Variants in ARB2A observed in about 807,000 individuals in gnomAD.
The protein encoded by ARB2A is cotranscriptional regulator ARB2A.
chr5:94,062,646 C>T, the ARB2A span, among the ~76,000 whole-genome samples: 1 of 152,092 alleles, frequency 6.6e-6, no homozygotes, highest in East Asian at 1.9e-4. Context: ...TGCCATGGCT[C>T]TAGAGAAGGA....
the ARB2A span, among the ~76,000 whole-genome samples, chr5:93,953,874 T>C: frequency 6.6e-6 from 1 of 151,840 alleles, no homozygotes; most frequent in African/African-American, 2.4e-5. Flanking sequence ...CCCTCCCCTT[T>C]CCACAAGCAG....
the ARB2A span, among the ~76,000 whole-genome samples, chr5:93,967,315 G>A: frequency 4.6e-5 from 7 of 152,080 alleles, no homozygotes; most frequent in African/African-American, 1.7e-4. Flanking sequence ...TGTCTGGTCT[G>A]ATGTATATAG....
chr5:93,803,939 C>T, the ARB2A span, among the ~76,000 whole-genome samples: 168 of 151,826 alleles, frequency 1.1e-3, 1 homozygote, highest in African/African-American at 3.5e-3. Flanking sequence ...TGTACACAGC[C>T]GGAGAGAAAT....
At chr5:93,634,212 C>A in the ARB2A span, among the ~76,000 whole-genome samples, 1 of 151,902 alleles carries the variant, frequency 6.6e-6, no homozygotes, top group Admixed American at 6.6e-5. Flanking sequence ...ACCATCCTGG[C>A]CAACACCTGA....
chr5:93,861,308 C>CTTTTTTT, the ARB2A span: 1 of 108,994 alleles, frequency 9.2e-6, no homozygotes, highest in Non-Finnish European at 1.9e-5. Flanking sequence ...CTCTTTTTTT[C>CTTTTTTT]TTTTTTTTTT....
the ARB2A span, among the ~76,000 whole-genome samples, chr5:93,981,362 C>T: frequency 6.6e-6 from 1 of 152,090 alleles, no homozygotes; most frequent in East Asian, 1.9e-4. Context: ...AGCCACCATG[C>T]CCAGTCCTGA....
chr5:93,882,375 C>A, the ARB2A span, among the ~76,000 whole-genome samples: 2 of 151,060 alleles, frequency 1.3e-5, no homozygotes, highest in Non-Finnish European at 3.0e-5. Context: ...CTTAAAATTT[C>A]TTTCATTTTT....
At chr5:93,805,244 A>C in the ARB2A span, 2 of 984,968 alleles carry the variant, frequency 2.0e-6, no homozygotes, top group Non-Finnish European at 2.4e-6. Flanking sequence ...TATGATTTAA[A>C]AATTACTATT....
At chr5:94,007,067 C>T in the ARB2A span, among the ~76,000 whole-genome samples, 2 of 152,116 alleles carry the variant, frequency 1.3e-5, no homozygotes, top group South Asian at 4.1e-4. Context: ...CAAATGCATA[C>T]CCCATAAGAC....
chr5:93,743,386 A>G, the ARB2A span: 1 of 192,274 alleles, frequency 5.2e-6, no homozygotes, highest in South Asian at 1.8e-4. Context: ...ATGTTAAATA[A>G]GTGAATCTCT....
the ARB2A span, chr5:93,805,059 A>T: frequency 2.1e-6 from 2 of 962,052 alleles, no homozygotes; most frequent in Non-Finnish European, 2.5e-6. Flanking sequence ...TTTAATATAT[A>T]ATTAATGATT....
At chr5:93,770,307 C>G in the ARB2A span, among the ~76,000 whole-genome samples, 18 of 152,054 alleles carry the variant, frequency 1.2e-4, no homozygotes, top group Admixed American at 9.2e-4. Flanking sequence ...GGACGTATCT[C>G]AAAATAATAA....
At chr5:93,828,948 T>C in the ARB2A span, among the ~76,000 whole-genome samples, 1 of 152,120 alleles carries the variant, frequency 6.6e-6, no homozygotes, top group African/African-American at 2.4e-5. Context: ...GGCTAATTTT[T>C]GTATTTTCAG....
chr5:94,048,583 A>T, the ARB2A span, among the ~76,000 whole-genome samples: 2,169 of 152,270 alleles, frequency 0.014, 55 homozygotes, highest in African/African-American at 0.049. Flanking sequence ...CATGAGCTTC[A>T]TGTTCTCATG....
the ARB2A span, among the ~76,000 whole-genome samples, chr5:93,674,445 A>T: frequency 6.6e-6 from 1 of 152,368 alleles, no homozygotes; most frequent in South Asian, 2.1e-4. Flanking sequence ...AGAACAAGCT[A>T]CAACCAGGCA....
At chr5:93,833,981 C>T in the ARB2A span, among the ~76,000 whole-genome samples, 3 of 152,108 alleles carry the variant, frequency 2.0e-5, no homozygotes, top group Admixed American at 1.3e-4. Context: ...AACCCTTGCC[C>T]CCTACTTCTC....
chr5:93,743,051 A>G, the ARB2A span: 3 of 152,168 alleles, frequency 2.0e-5, no homozygotes, highest in Non-Finnish European at 4.4e-5. Context: ...GAAGTCTACC[A>G]TCTCCTTCCT....
At chr5:93,951,634 G>C in the ARB2A span, among the ~76,000 whole-genome samples, 1 of 152,204 alleles carries the variant, frequency 6.6e-6, no homozygotes, top group Middle Eastern at 3.4e-3. Flanking sequence ...GTTCACTGTA[G>C]ATGTATGTAT....
the ARB2A span, among the ~76,000 whole-genome samples, chr5:94,081,604 AC>A: frequency 6.6e-6 from 1 of 152,186 alleles, no homozygotes; most frequent in Non-Finnish European, 1.5e-5. Context: ...AAAAAACCAC[AC>A]ATATTGTACG....
Sources: gnomAD v4.1 joint callset for allele counts (sites outside exome capture counted in the v4.1 genomes callset) on GRCh38, gnomAD v4.1.1 for gene constraint, MANE v1.5 for transcripts, NCBI Gene and HGNC (gene_info 2026-07-23, HGNC 2026-07-21) for gene names.